The following EXT1 variants were observed in gnomAD, a reference collection of about 807,000 sequenced individuals.
EXT1 encodes exostosin-1.
EXT1 carries 20 observed loss-of-function variants against 82.5 expected under a neutral mutation model. The observed-to-expected ratio is 0.24, with a 90% CI of 0.17 to 0.35. The LOEUF (loss-of-function observed/expected upper bound fraction) is 0.35, where lower values mean the gene tolerates loss of function less well. Ranked by LOEUF, EXT1 falls within the 10% of genes least tolerant of loss-of-function variation. The pLI, the probability that EXT1 is intolerant of heterozygous loss-of-function variation, is 1.00. For missense variants in EXT1, 757 were observed against 936.5 expected, an observed-to-expected ratio of 0.81 and a Z score of 2.50; for synonymous variants, 348 against 350.8, an observed-to-expected ratio of 0.99 and a Z score of 0.09.
intron 1 of EXT1, among the ~76,000 whole-genome samples, chr8:118,102,779 T>C (rs949281644): frequency 6.6e-6 from 1 of 152,222 alleles, no homozygotes; most frequent in Non-Finnish European, 1.5e-5. Context: ...AATTTAATTA[T>C]GTATTCCAAT....
Position 118,111,305 on chromosome 8 carries a change from C to A in EXT1, c.-259G>T. 1 of 608,850 alleles carries A rather than the reference C, an allele frequency of 1.6e-6. No individual in the cohort carries two copies. Among genetic ancestry groups the A allele is most frequent in the Non-Finnish European group, 2.9e-6 (1 of 344,784 alleles). 37.7% of individuals were successfully genotyped at this position (608,850 alleles called of 1,614,324 possible). On this transcript the variant is annotated 5_prime_UTR_variant, in exon 1 of 11. Coordinates refer to ENST00000378204, the MANE Select transcript of EXT1 (RefSeq NM_000127.3). Reference sequence around the variant, plus strand: ...GAGAGCGGGGCTGAATATCTCGCACCCAGGGCGGGCGAGCAGCGGACTGTA... The same window carrying A: ...GAGAGCGGGGCTGAATATCTCGCACACAGGGCGGGCGAGCAGCGGACTGTA...
At chr8:118,012,159 AAG>A (rs1815912554) in intron 1 of EXT1, among the ~76,000 whole-genome samples, 1 of 152,214 alleles carries the variant, frequency 6.6e-6, no homozygotes, top group Non-Finnish European at 1.5e-5. Context: ...AGGCCTTCAA[AAG>A]CTCTCGCCAA....
intron 1 of EXT1, among the ~76,000 whole-genome samples, chr8:118,001,804 C>T (rs1012698498): frequency 1.3e-5 from 2 of 152,122 alleles, no homozygotes; most frequent in East Asian, 1.9e-4. Context: ...GTTACAACTA[C>T]GTAAGAAAGC....
intron 1 of EXT1, among the ~76,000 whole-genome samples, chr8:118,097,016 G>A (rs1006712561): frequency 2.6e-5 from 4 of 152,008 alleles, no homozygotes; most frequent in Non-Finnish European, 5.9e-5. Flanking sequence ...AGGCTCTGAA[G>A]GTATAATGGT....
intron 1 of EXT1, among the ~76,000 whole-genome samples, chr8:117,858,810 CAGGA>C (rs71307408): frequency 2.9e-4 from 10 of 34,370 alleles, no homozygotes; most frequent in East Asian, 2.7e-3. Context: ...CAAGGCAAGG[CAGGA>C]AGGAAGGAAG....
At chr8:117,889,745 T>G (rs960153733) in intron 1 of EXT1, among the ~76,000 whole-genome samples, 4 of 152,198 alleles carry the variant, frequency 2.6e-5, no homozygotes, top group South Asian at 2.1e-4. Flanking sequence ...AAAATTACTT[T>G]GCATACAATG....
chr8:117,866,671 T>TAGCC (rs1812778662), intron 1 of EXT1, among the ~76,000 whole-genome samples: 1 of 152,056 alleles, frequency 6.6e-6, no homozygotes, highest in Non-Finnish European at 1.5e-5. Context: ...AGTGCATGAT[T>TAGCC]AGCCATTCTT....
chr8:118,057,045 G>A (rs1425855493), intron 1 of EXT1, among the ~76,000 whole-genome samples: 2 of 152,138 alleles, frequency 1.3e-5, no homozygotes, highest in African/African-American at 2.4e-5. Flanking sequence ...ATGATCATAG[G>A]TGAACACAGA....
At chr8:117,875,347 G>A (rs1812949768) in intron 1 of EXT1, among the ~76,000 whole-genome samples, 1 of 152,078 alleles carries the variant, frequency 6.6e-6, no homozygotes, top group South Asian at 2.1e-4. Context: ...CTTGAACCCG[G>A]GAGGTGGAGG....
chr8:117,974,387 G>C (rs943241350), intron 1 of EXT1, among the ~76,000 whole-genome samples: 8 of 152,110 alleles, frequency 5.3e-5, no homozygotes, highest in Admixed American at 2.0e-4. Context: ...TCTCCTCCAT[G>C]CTTCCTCATC....
chr8:117,844,862 T>C (rs1417111191), intron 1 of EXT1, among the ~76,000 whole-genome samples: 1 of 151,542 alleles, frequency 6.6e-6, no homozygotes, highest in Non-Finnish European at 1.5e-5. Context: ...TTGGAGGTGG[T>C]ACAATTCCTT....
intron 1 of EXT1, among the ~76,000 whole-genome samples, chr8:117,981,577 C>T (rs990152562): frequency 6.6e-6 from 1 of 152,148 alleles, no homozygotes; most frequent in African/African-American, 2.4e-5. Context: ...GTACTTTCTG[C>T]TGGGCATGGT....
At chr8:118,103,960 C>T (rs966714605) in intron 1 of EXT1, among the ~76,000 whole-genome samples, 34 of 152,142 alleles carry the variant, frequency 2.2e-4, no homozygotes, top group African/African-American at 6.5e-4. Flanking sequence ...TCACGCTTCA[C>T]GTATTAAAAG....
chr8:117,913,330 G>A (rs1333093504), intron 1 of EXT1, among the ~76,000 whole-genome samples: 1 of 152,098 alleles, frequency 6.6e-6, no homozygotes, highest in Admixed American at 6.5e-5. Context: ...CACAGAAAAT[G>A]CCTCAGTAAC....
intron 1 of EXT1, among the ~76,000 whole-genome samples, chr8:118,066,172 A>C (rs1306590366): frequency 6.6e-6 from 1 of 152,128 alleles, no homozygotes; most frequent in African/African-American, 2.4e-5. Flanking sequence ...TGTCACCCGC[A>C]AGACAGCAAG....
At chr8:117,818,338 A>G in intron 7 of EXT1, 97 bp downstream of exon 7, 3 of 925,218 alleles carry the variant, frequency 3.2e-6, no homozygotes, top group East Asian at 2.4e-5. Context: ...ATAATCCAGG[A>G]ACAGGGAGAA....
At chr8:117,906,091 G>C (rs922919460) in intron 1 of EXT1, among the ~76,000 whole-genome samples, 8 of 152,132 alleles carry the variant, frequency 5.3e-5, no homozygotes, top group African/African-American at 1.2e-4. Flanking sequence ...TCCCTGATTT[G>C]CATGACTCTT....
At chr8:118,098,330 C>G (rs1439420574) in intron 1 of EXT1, among the ~76,000 whole-genome samples, 1 of 152,134 alleles carries the variant, frequency 6.6e-6, no homozygotes, top group Non-Finnish European at 1.5e-5. Flanking sequence ...CTGGGCCCCT[C>G]CCTTCTCCAA....
intron 1 of EXT1, among the ~76,000 whole-genome samples, chr8:117,856,417 G>A (rs1235309402): frequency 7.4e-6 from 1 of 135,486 alleles, no homozygotes; most frequent in Non-Finnish European, 1.5e-5. Context: ...ACCACGCCTG[G>A]CTAAATTTTT....
Sources: allele counts gnomAD v4.1 joint callset (sites outside exome capture counted in the v4.1 genomes callset), GRCh38; gene constraint gnomAD v4.1.1; transcripts MANE v1.5; gene names NCBI Gene and HGNC (gene_info 2026-07-23, HGNC 2026-07-21).